The following MACF1 variants were observed in gnomAD, a reference collection of about 807,000 sequenced individuals.
The protein encoded by MACF1 is microtubule-actin cross-linking factor 1.
Under a neutral mutation model 854.8 loss-of-function variants are expected in MACF1, and 193 were observed. That is an observed-to-expected ratio of 0.23 (90% CI 0.20 to 0.25). The LOEUF (loss-of-function observed/expected upper bound fraction) is 0.25, where lower values mean the gene tolerates loss of function less well. MACF1 is among the 10% of genes least tolerant of loss of function. MACF1 has a pLI of 1.00. For missense variants in MACF1, 7,722 were observed against 8,929.1 expected, an observed-to-expected ratio of 0.86 and a Z score of 5.45; for synonymous variants, 3,185 against 3,226.7, an observed-to-expected ratio of 0.99 and a Z score of 0.44.
chr1:39,184,589 G>A (rs954335824), intron 2 of MACF1, among the ~76,000 whole-genome samples: 20 of 152,246 alleles, frequency 1.3e-4, no homozygotes, highest in Non-Finnish European at 2.2e-4. Flanking sequence ...AGCTGATAAG[G>A]TGAGGCGGAG....
chr1:39,315,298 A>G (rs1646390017), intron 26 of MACF1, among the ~76,000 whole-genome samples: 1 of 152,226 alleles, frequency 6.6e-6, no homozygotes, highest in Admixed American at 6.5e-5. Context: ...GCTTAAAAAT[A>G]TATCCTAAAA....
intron 2 of MACF1, among the ~76,000 whole-genome samples, chr1:39,162,715 ATTTAC>A (rs1000736304): frequency 1.3e-5 from 2 of 152,166 alleles, no homozygotes; most frequent in Non-Finnish European, 2.9e-5. Flanking sequence ...GGATGATAGA[ATTTAC>A]TTTACAAGAT....
Position 39,311,004 on chromosome 1 carries a change from A to G in MACF1, c.3270+4A>G. On this transcript the variant is annotated splice_donor_region_variant and intron_variant, in intron 26 of 100. Coordinates refer to ENST00000564288, the MANE Select transcript of MACF1 (RefSeq NM_001394062.1). ...ATTAAGGATTGCAGAGCAAGAGGTA[A>G]GCCCTAAGAGCCATGTGGATGCTGG... The G allele has an allele frequency of 1.2e-6, 2 of 1,608,478 alleles. No individual in the cohort carries two copies. Among genetic ancestry groups the G allele is most frequent in the Non-Finnish European group, 1.7e-6 (2 of 1,177,400 alleles).
chr1:39,314,976 T>C (rs1646382806), intron 26 of MACF1, among the ~76,000 whole-genome samples: 1 of 152,232 alleles, frequency 6.6e-6, no homozygotes, highest in Admixed American at 6.5e-5. Context: ...GGCTTATATA[T>C]TTCTGTTGTG....
At chr1:39,408,673 CG>C (rs1642816945) in intron 58 of MACF1, among the ~76,000 whole-genome samples, 1 of 151,972 alleles carries the variant, frequency 6.6e-6, no homozygotes, top group African/African-American at 2.4e-5. Context: ...GGGAGGAGGG[CG>C]GGGCTTTCCT....
chr1:39,185,258 C>T (rs1644151873), intron 2 of MACF1, among the ~76,000 whole-genome samples: 1 of 149,126 alleles, frequency 6.7e-6, no homozygotes, highest in Non-Finnish European at 1.5e-5. Context: ...CACCACTGCA[C>T]TCCAGCCTGG....
chr1:39,321,420 T>C (rs1646514187), intron 31 of MACF1, among the ~76,000 whole-genome samples: 1 of 152,234 alleles, frequency 6.6e-6, no homozygotes, highest in Non-Finnish European at 1.5e-5. Context: ...TATTTTTTTA[T>C]GGGTTCCTTC....
chr1:39,455,347 C>G (rs2148685708), intron 89 of MACF1, among the ~76,000 whole-genome samples: 1 of 152,328 alleles, frequency 6.6e-6, no homozygotes, highest in Non-Finnish European at 1.5e-5. Flanking sequence ...GCAGTCTCAT[C>G]TGGAGTTCAG....
chr1:39,162,493 C>T (rs553949115), intron 2 of MACF1, among the ~76,000 whole-genome samples: 8 of 152,126 alleles, frequency 5.3e-5, no homozygotes, highest in Admixed American at 2.6e-4. Context: ...ACTTTCCTTC[C>T]GTAAGTTTTG....
intron 95 of MACF1, among the ~76,000 whole-genome samples, chr1:39,467,243 T>TA (rs1311910418): frequency 6.6e-6 from 1 of 152,056 alleles, no homozygotes; most frequent in East Asian, 1.9e-4. Context: ...CGGGCGCCTG[T>TA]AGTCCCAGCT....
intron 38 of MACF1, among the ~76,000 whole-genome samples, chr1:39,337,629 T>G (rs1646838286): frequency 7.3e-6 from 1 of 136,566 alleles, no homozygotes; most frequent in South Asian, 2.4e-4. Flanking sequence ...GCAGTAGCGG[T>G]GATCTCGGCT....
intron 38 of MACF1, 66 bp from the exon 39 acceptor site, chr1:39,340,436 T>C: frequency 8.5e-7 from 1 of 1,175,420 alleles, no homozygotes; most frequent in East Asian, 2.4e-5. Context: ...GAGAAATGTG[T>C]TCACAGCTGA....
At chr1:39,341,956 TGC>T (rs1646944642) in intron 40 of MACF1, among the ~76,000 whole-genome samples, 1 of 151,986 alleles carries the variant, frequency 6.6e-6, no homozygotes, top group African/African-American at 2.4e-5. Context: ...ATAGGTAAAC[TGC>T]ATGTCATGAG....
intron 51 of MACF1, among the ~76,000 whole-genome samples, chr1:39,372,015 C>T (rs1309662552): frequency 3.3e-5 from 5 of 151,902 alleles, no homozygotes; most frequent in Non-Finnish European, 7.4e-5. Context: ...GACGGGGTTT[C>T]ACCATGTCGG....
intron 79 of MACF1, among the ~76,000 whole-genome samples, chr1:39,444,073 C>T (rs1257751699): frequency 2.6e-5 from 4 of 152,182 alleles, no homozygotes; most frequent in African/African-American, 7.2e-5. Flanking sequence ...CAGTGGCTCA[C>T]GCCTGTAATC....
At chr1:39,206,040 T>C (rs1462579356) in intron 1 of MACF1, among the ~76,000 whole-genome samples, 1 of 152,196 alleles carries the variant, frequency 6.6e-6, no homozygotes, top group Non-Finnish European at 1.5e-5. Context: ...GTAGACACTT[T>C]TTATAGTGTA....
intron 1 of MACF1, among the ~76,000 whole-genome samples, chr1:39,217,902 G>A (rs1440174776): frequency 2.9e-5 from 4 of 140,106 alleles, no homozygotes; most frequent in African/African-American, 1.1e-4. Flanking sequence ...AAAAAAAAGA[G>A]GTCGGTCACA....
chr1:39,274,169 A>G (rs1178228414), intron 6 of MACF1, among the ~76,000 whole-genome samples: 1 of 152,110 alleles, frequency 6.6e-6, no homozygotes, highest in African/African-American at 2.4e-5. Flanking sequence ...CTCCTTTTGT[A>G]TATATTTGAA....
rs532990896 is a variant in MACF1 at position 39,285,180 on chromosome 1, G to A, written c.1229G>A (p.Arg410Gln). 162 of 1,614,180 alleles carry A rather than the reference G, an allele frequency of 1.0e-4. No individual in the cohort carries two copies. The highest frequency in any genetic ancestry group is 1.3e-4 in the Non-Finnish European group (151 of 1,180,030). Residue 410 changes from arginine (R) to glutamine (Q), a missense_variant, in exon 12 of 101, where the codon CGA becomes CAA. By Grantham distance (43) the Arg-to-Gln change is conservative. Around this residue, in one of 15 missense-constraint regions of MACF1, gnomAD observed 1,137 missense variants for 1,263.0 expected, o/e 0.90. Coordinates refer to ENST00000564288, the MANE Select transcript of MACF1 (RefSeq NM_001394062.1). ...WGKLIIEMLE[R>Q]EKSLRPAVER... ...AAGCTCATCATAGAGATGCTGGAAC[G>A]AGAGAAATCACTTCGGCCGGCTGTG...
Sources: gnomAD v4.1 joint callset for allele counts (sites outside exome capture counted in the v4.1 genomes callset) on GRCh38, gnomAD v4.1.1 for gene constraint, gnomAD v4.1.1 regional missense constraint, MANE v1.5 for transcripts, NCBI Gene and HGNC (gene_info 2026-07-23, HGNC 2026-07-21) for gene names.